The following SLC9A7 variants were observed in gnomAD, a reference collection of about 807,000 sequenced individuals.
SLC9A7 encodes the protein sodium/hydrogen exchanger 7.
SLC9A7 carries 19 observed loss-of-function variants against 52.6 expected under a neutral mutation model. The ratio of observed to expected loss-of-function variants is 0.36; its 90% CI spans 0.25 to 0.53. The LOEUF (loss-of-function observed/expected upper bound fraction) is 0.53, where lower values mean the gene tolerates loss of function less well. Ranked by LOEUF, SLC9A7 falls within the 20% of genes least tolerant of loss-of-function variation. The pLI, the probability that SLC9A7 is intolerant of heterozygous loss-of-function variation, is 0.91. For missense variants in SLC9A7, 455 were observed against 597.9 expected (o/e 0.76, Z 2.49); for synonymous variants, 226 against 252.1 (o/e 0.90, Z 0.98).
chrX:46,602,215 G>T lies in SLC9A7; in HGVS notation c.*4737C>A, dbSNP rs1018028111. ...AAGTCACCCTTCTCTTTCCTCGAAG[G>T]CTCCAAGGTTTTCGTGATCTTTTCA... On this transcript the variant is annotated 3_prime_UTR_variant, in exon 17 of 17. Transcript: ENST00000616978. 17 of 111,311 alleles carry T rather than the reference G, an allele frequency of 1.5e-4. No individual in the cohort carries two copies. Among genetic ancestry groups the T allele is most frequent in the Non-Finnish European group, 1.3e-4 (7 of 53,089 alleles). 9.2% of individuals were successfully genotyped at this position (111,311 alleles called of 1,213,427 possible).
rs138248912 is a variant in SLC9A7 at position 46,634,467 on chromosome X, C to T, written c.1676+1122G>A. On this transcript the variant is annotated intron_variant, in intron 13 of 16. Coordinates refer to ENST00000616978, the MANE Select transcript of SLC9A7 (RefSeq NM_001257291.2). ...TAATAATTTTTTCTAAAAAAAAAAC[C>T]CTGAATGGTCAAGGTTTTGAATAAT... is the stretch of plus-strand genomic sequence containing the variant. Among the ~76,000 whole-genome samples the T allele has an allele frequency of 6.7e-3, 736 of 110,484 alleles. 4 individuals are homozygous for T. The highest frequency in any genetic ancestry group is 0.023 in the African/African-American group (701 of 30,351).
intron 4 of SLC9A7, among the ~76,000 whole-genome samples, chrX:46,670,233 G>A (rs1943997227): frequency 8.9e-6 from 1 of 112,215 alleles, no homozygotes. Context: ...AAAGGAAAAA[G>A]AGGCGAATAT....
chrX:46,606,691 T>G lies in SLC9A7; in HGVS notation c.*261A>C. ...AGACCATTAAAGCATGCTATTTTTT[T>G]TTGTTTGTTTAACTCTGAAACAGCG... On this transcript the variant is annotated 3_prime_UTR_variant, in exon 17 of 17. Transcript: ENST00000616978. The G allele has an allele frequency of 9.6e-7, 1 of 1,037,084 alleles. No homozygotes were observed. The allele number at this position is 1,037,084 out of a possible 1,213,427, so 85.5% of individuals were successfully genotyped here.
At chrX:46,751,986 A>G (rs782205403) in intron 1 of SLC9A7, among the ~76,000 whole-genome samples, 1 of 111,886 alleles carries the variant, frequency 8.9e-6, no homozygotes, top group South Asian at 3.7e-4. Context: ...AATAGGTTGC[A>G]AGCTAAGAGG....
At chrX:46,611,665 A>G (rs1942851399) in intron 16 of SLC9A7, among the ~76,000 whole-genome samples, 1 of 112,545 alleles carries the variant, frequency 8.9e-6, no homozygotes, top group South Asian at 3.7e-4. Context: ...GGACTTTTCA[A>G]TGGTCACCTT....
At chrX:46,717,741 C>A (rs12391577) in intron 1 of SLC9A7, among the ~76,000 whole-genome samples, 2,182 of 111,061 alleles carry the variant, frequency 0.02, 49 homozygotes, top group African/African-American at 0.067. Context: ...CTTTCAAGGG[C>A]TGTGAAAGAC....
intron 1 of SLC9A7, among the ~76,000 whole-genome samples, chrX:46,713,493 C>T (rs1266659025): frequency 5.5e-5 from 6 of 108,114 alleles, no homozygotes; most frequent in African/African-American, 2.0e-4. Context: ...AAGAGTACAA[C>T]TCCATCTCAA....
At chrX:46,719,565 T>G (rs761344432) in intron 1 of SLC9A7, among the ~76,000 whole-genome samples, 3 of 111,747 alleles carry the variant, frequency 2.7e-5, no homozygotes, top group South Asian at 3.7e-4. Flanking sequence ...TTAAAAGTTG[T>G]TTGAGGAAAA....
rs1375832692 is a variant in SLC9A7, at chrX:46,606,549, T to C, written c.*403A>G. ...GCCTTCCTTCTCTTTAACTTGATAA[T>C]TCTATGGTCAGCTTGACTTGCACTG... On this transcript the variant is annotated 3_prime_UTR_variant, in exon 17 of 17. Coordinates refer to ENST00000616978, the MANE Select transcript of SLC9A7 (RefSeq NM_001257291.2). The C allele has an allele frequency of 1.5e-5, 12 of 778,088 alleles. No homozygotes were observed. In the East Asian group the frequency reaches 1.1e-3, roughly 70 times the overall value. 64.1% of individuals were successfully genotyped at this position (778,088 alleles called of 1,213,427 possible).
At position 46,603,761 on chromosome X, in the gene SLC9A7, C is replaced by G. The variant is rs1942696704; in HGVS notation, c.*3191G>C. 8.9e-6 allele frequency: 1 copy of G among 111,751 alleles called. No homozygotes were observed. The allele number at this position is 111,751 out of a possible 1,213,427, so 9.2% of individuals were successfully genotyped here. ...GGCTGAGGTAGGAGAATCGCTTGAA[C>G]CCAGGAGGTGGAGATTGCAGTGAGC... On this transcript the variant is annotated 3_prime_UTR_variant, in exon 17 of 17. Coordinates refer to ENST00000616978, the MANE Select transcript of SLC9A7 (RefSeq NM_001257291.2).
At chrX:46,714,614 G>A (rs755424992) in intron 1 of SLC9A7, among the ~76,000 whole-genome samples, 2 of 111,489 alleles carry the variant, frequency 1.8e-5, no homozygotes, top group Non-Finnish European at 3.8e-5. Flanking sequence ...TGAGATCCCC[G>A]ACAAATATTT....
intron 11 of SLC9A7, among the ~76,000 whole-genome samples, chrX:46,644,977 G>A (rs1443067460): frequency 8.9e-6 from 1 of 111,878 alleles, no homozygotes; most frequent in African/African-American, 3.3e-5. Flanking sequence ...AAGGGATGCT[G>A]ACTCAAAGAA....
chrX:46,725,525 T>C, intron 1 of SLC9A7: 2 of 958,060 alleles, frequency 2.1e-6, no homozygotes, highest in Non-Finnish European at 3.0e-6. Flanking sequence ...TGTCCTTCAA[T>C]GACTGGATGG....
chrX:46,629,727 T>C (rs1943191559), intron 14 of SLC9A7, among the ~76,000 whole-genome samples: 1 of 111,717 alleles, frequency 9.0e-6, no homozygotes. Context: ...GAGGATGCTT[T>C]AGAATAGGGC....
At chrX:46,627,566 G>A (rs1943150877) in intron 14 of SLC9A7, among the ~76,000 whole-genome samples, 1 of 111,674 alleles carries the variant, frequency 9.0e-6, no homozygotes, top group Non-Finnish European at 1.9e-5. Flanking sequence ...TTGTCACCAA[G>A]CCCTTCAGGA....
chrX:46,734,710 C>T (rs1007471837), intron 1 of SLC9A7, among the ~76,000 whole-genome samples: 3 of 110,709 alleles, frequency 2.7e-5, no homozygotes, highest in African/African-American at 9.9e-5. Context: ...TTTGCATCAC[C>T]ACACTTATTG....
intron 12 of SLC9A7, among the ~76,000 whole-genome samples, chrX:46,638,859 T>G (rs1943361041): frequency 1.8e-5 from 2 of 112,651 alleles, no homozygotes; most frequent in Admixed American, 9.3e-5. Flanking sequence ...TCCAACTCAT[T>G]TTGTGAGGCC....
intron 1 of SLC9A7, among the ~76,000 whole-genome samples, chrX:46,712,581 T>C (rs979591323): frequency 9.0e-6 from 1 of 111,659 alleles, no homozygotes; most frequent in African/African-American, 3.3e-5. Context: ...ACAAATAATA[T>C]CCAAACCATA....
intron 1 of SLC9A7, among the ~76,000 whole-genome samples, chrX:46,750,098 A>G (rs1007823777): frequency 1.8e-5 from 2 of 110,025 alleles, no homozygotes; most frequent in Non-Finnish European, 3.8e-5. Flanking sequence ...AAAAAGAAAA[A>G]AAAAGGGTCA....
Sources: allele counts gnomAD v4.1 joint callset (sites outside exome capture counted in the v4.1 genomes callset), GRCh38; gene constraint gnomAD v4.1.1; transcripts MANE v1.5; gene names NCBI Gene and HGNC (gene_info 2026-07-23, HGNC 2026-07-21).